Variants in ATP6V1D observed in about 807,000 individuals in gnomAD.
ATP6V1D encodes V-type proton ATPase subunit D.
Under a neutral mutation model 39.4 loss-of-function variants are expected in ATP6V1D, and 20 were observed. The ratio of observed to expected loss-of-function variants is 0.51; its 90% CI spans 0.36 to 0.74. The LOEUF is 0.74. Among genes scored for constraint, ATP6V1D ranks in the 30% least tolerant of loss-of-function variants. ATP6V1D has a pLI of 0.00. For missense variants in ATP6V1D, 228 were observed against 291.6 expected (o/e 0.78, Z 1.59); for synonymous variants, 100 against 100.5 (o/e 0.99, Z 0.03).
In ATP6V1D at chr14:67,356,447, A is replaced by C. The variant is rs574111750; in HGVS notation, c.41+3211T>G. Reference sequence around the variant, plus strand: ...AAAAAACAAAAACAAAAAAAAAAAAACAAAAACAAACAAACACCATTTGGC... The same window carrying C: ...AAAAAACAAAAACAAAAAAAAAAAACCAAAAACAAACAAACACCATTTGGC... On this transcript the variant is annotated intron_variant, in intron 1 of 8. Coordinates refer to ENST00000216442, the MANE Select transcript of ATP6V1D (RefSeq NM_015994.4). Among the ~76,000 whole-genome samples, 12 of 140,860 alleles carry C rather than the reference A, an allele frequency of 8.5e-5. No homozygotes were observed. The East Asian group carries it at 1.3e-3, about 15-fold the overall frequency. 92.4% of individuals were successfully genotyped at this position (140,860 alleles called of 152,430 possible).
chr14:67,353,306 T>C (rs1181573899), intron 1 of ATP6V1D, among the ~76,000 whole-genome samples: 1 of 152,194 alleles, frequency 6.6e-6, no homozygotes, highest in Non-Finnish European at 1.5e-5. Flanking sequence ...CTGCCCTCCA[T>C]GAATGGATTA....
At position 67,338,437 on chromosome 14, in the gene ATP6V1D, C is replaced by A; in HGVS notation, c.*184G>T. The A allele has an allele frequency of 1.6e-6, 1 of 622,550 alleles. No individual in the cohort carries two copies. Among genetic ancestry groups the A allele is most frequent in the Non-Finnish European group, 2.6e-6 (1 of 378,360 alleles). 38.6% of individuals were successfully genotyped at this position (622,550 alleles called of 1,614,324 possible). ...GCAGGTTTTACAGATCTCTTTCATC[C>A]ATGATAAATGGTTGCTAAATTATGA... On this transcript the variant is annotated 3_prime_UTR_variant, in exon 9 of 9. Coordinates refer to ENST00000216442, the MANE Select transcript of ATP6V1D (RefSeq NM_015994.4).
chr14:67,358,391 G>C (rs1162228722), intron 1 of ATP6V1D, among the ~76,000 whole-genome samples: 2 of 152,116 alleles, frequency 1.3e-5, no homozygotes, highest in African/African-American at 2.4e-5. Context: ...CTGGGCTTCA[G>C]GTTTGAATAT....
rs1388863907 is a variant in ATP6V1D at position 67,359,660 on chromosome 14, T to C, written c.39A>G (p.Arg13=). 2.5e-6 allele frequency: 4 copies of C among 1,613,892 alleles called. No homozygotes were observed. Among genetic ancestry groups the C allele is most frequent in the Non-Finnish European group, 2.5e-6 (3 of 1,180,020 alleles). Residue 13 remains arginine (R), a splice_region_variant and synonymous_variant, in exon 1 of 9, where the codon CGA becomes CGG. Coordinates refer to ENST00000216442, the MANE Select transcript of ATP6V1D (RefSeq NM_015994.4). ...GCTTATCCCATTCCTTTACTTACAT[T>C]CGCGAGGGAAAGATTTCAATTCGGT... is the stretch of plus-strand genomic sequence containing the variant. ...GKDRIEIFPS[R]MAQTIMKARL...
intron 6 of ATP6V1D, 33 bp from the exon 7 acceptor site, chr14:67,343,471 A>G (rs1381413395): frequency 1.4e-6 from 2 of 1,438,572 alleles, no homozygotes; most frequent in Admixed American, 1.7e-5. Flanking sequence ...ATGTAAGCAC[A>G]AAGTCTTCCT....
intron 2 of ATP6V1D, among the ~76,000 whole-genome samples, chr14:67,351,773 G>A (rs1349272432): frequency 2.0e-5 from 3 of 151,482 alleles, no homozygotes; most frequent in Non-Finnish European, 2.9e-5. Flanking sequence ...CTCCCACCTC[G>A]GCCTCCCAAA....
chr14:67,347,236 G>C (rs1243985589), intron 5 of ATP6V1D, among the ~76,000 whole-genome samples, 173 bp downstream of exon 5: 11 of 152,268 alleles, frequency 7.2e-5, no homozygotes, highest in Non-Finnish European at 1.5e-5. Flanking sequence ...ATTGTGCCCG[G>C]CCTTAAGACC....
Position 67,350,757 on chromosome 14 carries a change from A to G in ATP6V1D, c.160-67T>C, listed in dbSNP as rs2085650110. ...TACAAGGAAATATTCCATCATAATTATGTTCCTTTAATAACCATCAGTATT... is the reference window on the plus strand; with the variant it reads ...TACAAGGAAATATTCCATCATAATTGTGTTCCTTTAATAACCATCAGTATT... On this transcript the variant is annotated intron_variant, in intron 2 of 8. Transcript: ENST00000216442. 2.1e-6 allele frequency: 3 copies of G among 1,420,614 alleles called. No individual in the cohort carries two copies. The African/African-American group carries it at 4.2e-5, about 20-fold the overall frequency. 88.0% of individuals were successfully genotyped at this position (1,420,614 alleles called of 1,614,324 possible).
At chr14:67,350,915 T>G (rs2085650831) in intron 2 of ATP6V1D, among the ~76,000 whole-genome samples, 1 of 152,232 alleles carries the variant, frequency 6.6e-6, no homozygotes, top group African/African-American at 2.4e-5. Context: ...ATAAATGCAT[T>G]GAGAAACAGA....
chr14:67,340,032 C>CAAAAAAAAA (rs34358102), intron 8 of ATP6V1D: 2 of 71,698 alleles, frequency 2.8e-5, no homozygotes, highest in Non-Finnish European at 6.6e-5. Context: ...CTCTGTCTCA[C>CAAAAAAAAA]AAAAAAAAAA....
intron 7 of ATP6V1D, among the ~76,000 whole-genome samples, chr14:67,341,612 C>T (rs1165797551): frequency 5.3e-5 from 8 of 152,072 alleles, no homozygotes; most frequent in Middle Eastern, 3.4e-3. Flanking sequence ...AGGTGAGGGG[C>T]GCCTCTGCCC....
rs112737884 is a variant in ATP6V1D at position 67,344,244 on chromosome 14, C to G, written c.457-806G>C. The stretch of plus-strand genomic sequence containing the variant: ...TTGGGTATGAGGAGTCCTCCCTTCT[C>G]CTAAACTTTCCCATAAAAGCCTTCC... On this transcript the variant is annotated intron_variant, in intron 6 of 8. Transcript: ENST00000216442. Among the ~76,000 whole-genome samples the G allele has an allele frequency of 7.7e-3, 1,166 of 152,312 alleles. 14 individuals are homozygous for G. The highest frequency in any genetic ancestry group is 0.025 in the African/African-American group (1,050 of 41,564).
intron 7 of ATP6V1D, among the ~76,000 whole-genome samples, chr14:67,341,106 A>G (rs910565153): frequency 1.3e-5 from 2 of 152,094 alleles, no homozygotes; most frequent in Non-Finnish European, 2.9e-5. Context: ...CCGGTCTGGG[A>G]AGTGAGGAGC....
At position 67,352,940 on chromosome 14, in the gene ATP6V1D, G is replaced by A. The variant is rs755427013; in HGVS notation, c.142C>T (p.Leu48=). The A allele has an allele frequency of 1.9e-6, 3 of 1,608,524 alleles. No individual in the cohort carries two copies. The highest frequency in any genetic ancestry group is 1.7e-6 in the Non-Finnish European group (2 of 1,175,222). ...DALTLRFRQI[L]KKIIETKMLM... is the part of the protein sequence containing the mutation. ...CATTCTACCTCTATTATCTTCTTTA[G>A]GATCTGTCGAAATCGAAGAGTTAAG... The change falls in exon 2 of 9, where the codon CTA becomes TTA. Residue 48 remains leucine (L), a synonymous_variant. Coordinates refer to ENST00000216442, the MANE Select transcript of ATP6V1D (RefSeq NM_015994.4).
rs1174192510 is a variant in ATP6V1D at position 67,345,771 on chromosome 14, C to A, written c.453G>T (p.Leu151=). The A allele has an allele frequency of 3.7e-6, 6 of 1,609,388 alleles. No individual in the cohort carries two copies. The Admixed American group carries it at 1.0e-4, about 27-fold the overall frequency. ...CTCCAGGTCTTTTGCTACTTACCTG[C>A]AGAGAAGCTAGTTCCACCAGTAGTT... The part of the protein sequence containing the change: ...AVELLVELAS[L]QTSFVTLDEA... Residue 151 remains leucine, a synonymous_variant, in exon 6 of 9, where the codon CTG becomes CTT. Coordinates refer to ENST00000216442, the MANE Select transcript of ATP6V1D (RefSeq NM_015994.4).
At chr14:67,355,031 C>G (rs1213658031) in intron 1 of ATP6V1D, among the ~76,000 whole-genome samples, 2 of 151,992 alleles carry the variant, frequency 1.3e-5, no homozygotes, top group African/African-American at 2.4e-5. Context: ...AGGCTGGTCT[C>G]GAACTCCTGA....
chr14:67,345,752 G>A lies in ATP6V1D; in HGVS notation c.456+16C>T, dbSNP rs1249757040. ...AAATCAAACTACAGGAGTTCTCCAG[G>A]TCTTTTGCTACTTACCTGCAGAGAA... is the stretch of plus-strand genomic sequence containing the variant. On this transcript the variant is annotated intron_variant, in intron 6 of 8. Transcript: ENST00000216442. The A allele has an allele frequency of 6.4e-7, 1 of 1,570,564 alleles. No homozygotes were observed. Among genetic ancestry groups the A allele is most frequent in the African/African-American group, 1.3e-5 (1 of 74,076 alleles).
At chr14:67,338,818 T>C (rs1371328269) in intron 8 of ATP6V1D, 56 bp from the exon 9 acceptor site, 1 of 1,476,868 alleles carries the variant, frequency 6.8e-7, no homozygotes, top group Non-Finnish European at 9.2e-7. Flanking sequence ...ATTAAGTAGA[T>C]TTGATTTCTT....
At chr14:67,346,449 C>G (rs2085620211) in intron 5 of ATP6V1D, among the ~76,000 whole-genome samples, 1 of 152,156 alleles carries the variant, frequency 6.6e-6, no homozygotes, top group Non-Finnish European at 1.5e-5. Flanking sequence ...GTAGCTGGGA[C>G]CACAGGCGCA....
Sources: allele counts gnomAD v4.1 joint callset (sites outside exome capture counted in the v4.1 genomes callset), GRCh38; gene constraint gnomAD v4.1.1; transcripts MANE v1.5; gene names NCBI Gene and HGNC (gene_info 2026-07-23, HGNC 2026-07-21).